Variants in SNX8 observed in about 807,000 individuals in gnomAD.
The protein encoded by SNX8 is sorting nexin 8, also known as sorting nexin-8.
A neutral mutation model predicts 51.6 loss-of-function variants in SNX8; 25 were observed. The ratio of observed to expected loss-of-function variants is 0.48; its 90% CI spans 0.35 to 0.68. The LOEUF (loss-of-function observed/expected upper bound fraction) is 0.68, where lower values mean the gene tolerates loss of function less well. Among genes scored for constraint, SNX8 ranks in the 30% least tolerant of loss-of-function variants. SNX8 has a pLI of 0.00. For synonymous variants in SNX8, 324 were observed against 277.0 expected (o/e 1.17, Z -1.68); for missense variants, 695 against 624.0 (o/e 1.11, Z -1.21).
At chr7:2,257,306 C>T (rs1388578134) in intron 9 of SNX8, 59 bp downstream of exon 9, 3 of 1,558,784 alleles carry the variant, frequency 1.9e-6, no homozygotes, top group African/African-American at 2.7e-5. Flanking sequence ...GCTCCGGGTC[C>T]CACCATGGCC....
intron 1 of SNX8, among the ~76,000 whole-genome samples, chr7:2,335,528 C>T (rs918819854): frequency 6.6e-6 from 1 of 152,066 alleles, no homozygotes; most frequent in African/African-American, 2.4e-5. Flanking sequence ...AGTAGCCAGG[C>T]GCGGTGGCTC....
Position 2,252,515 on chromosome 7 carries a change from A to G in SNX8, c.*2541T>C. 6.6e-6 allele frequency: 1 copy of G among 152,284 alleles called. No homozygotes were observed. The allele number at this position is 152,284 out of a possible 1,614,324, so 9.4% of individuals were successfully genotyped here. ...GGGTGGCAGAGGAGGAAGGGGAGGGAGGTGTTCCAAAGCCAGTGCCCACCC... is the reference window on the plus strand; with the variant it reads ...GGGTGGCAGAGGAGGAAGGGGAGGGGGGTGTTCCAAAGCCAGTGCCCACCC... On this transcript the variant is annotated 3_prime_UTR_variant, in exon 11 of 11. Coordinates refer to ENST00000222990, the MANE Select transcript of SNX8 (RefSeq NM_013321.4).
Position 2,257,849 on chromosome 7 carries a change from C to T in SNX8, c.916-46G>A, listed in dbSNP as rs1280588942. 1.9e-6 allele frequency: 3 copies of T among 1,572,412 alleles called. No individual in the cohort carries two copies. In the African/African-American group the frequency reaches 4.1e-5, roughly 21 times the overall value. ...CACCCACGCGGACGCACATAGGACC[C>T]GGTCCCTGCCCGGGAACTCAGACCC... On this transcript the variant is annotated intron_variant, in intron 7 of 10. Transcript: ENST00000222990.
intron 1 of SNX8, among the ~76,000 whole-genome samples, chr7:2,350,927 G>A (rs1254814327): frequency 6.6e-6 from 1 of 152,154 alleles, no homozygotes; most frequent in African/African-American, 2.4e-5. Flanking sequence ...GATTACCGGT[G>A]GGAGCCACTG....
chr7:2,257,710 C>G (rs1347871226), intron 8 of SNX8, 25 bp downstream of exon 8: 13 of 1,610,650 alleles, frequency 8.1e-6, no homozygotes, highest in Non-Finnish European at 1.1e-5. Flanking sequence ...GTTCTGCCCC[C>G]AGCCAAGGAG....
intron 4 of SNX8, among the ~76,000 whole-genome samples, chr7:2,270,918 C>T (rs915827516): frequency 6.6e-6 from 1 of 152,156 alleles, no homozygotes; most frequent in African/African-American, 2.4e-5. Flanking sequence ...TCCAGTGGAG[C>T]CCCCGCCCCT....
At position 2,344,899 on chromosome 7, in the gene SNX8, C is replaced by G. The variant is rs936660968; in HGVS notation, c.-66+9323G>C. On this transcript the variant is annotated intron_variant, in intron 1 of 5. Coordinates refer to the SNX8 transcript ENST00000435336. The stretch of plus-strand genomic sequence containing the variant: ...TAGATCCTTTTAATAATTTCATTTT[C>G]TGCTTGAATCAGACATCTACTTACA... 3.3e-5 allele frequency among the ~76,000 whole-genome samples: 5 copies of G among 152,194 alleles called. No homozygotes were observed. The East Asian group carries it at 9.6e-4, about 29-fold the overall frequency.
intron 3 of SNX8, among the ~76,000 whole-genome samples, chr7:2,274,487 G>A (rs937415558): frequency 6.6e-6 from 1 of 152,216 alleles, no homozygotes; most frequent in Non-Finnish European, 1.5e-5. Context: ...GCTGGCAGCC[G>A]CCATCCCAAG....
At chr7:2,337,253 G>C (rs565164030) in intron 1 of SNX8, 1 of 152,172 alleles carries the variant, frequency 6.6e-6, no homozygotes, top group Non-Finnish European at 1.5e-5. Context: ...TCAGGAGTTC[G>C]AGACCAGCCC....
intron 1 of SNX8, among the ~76,000 whole-genome samples, chr7:2,305,846 C>T (rs192687678): frequency 2.0e-5 from 3 of 151,882 alleles, no homozygotes; most frequent in Admixed American, 6.6e-5. Flanking sequence ...TTTGGGAGGC[C>T]GAAGCAGGAG....
intron 1 of SNX8, among the ~76,000 whole-genome samples, chr7:2,302,980 GC>G (rs1465259266): frequency 2.0e-5 from 3 of 151,796 alleles, no homozygotes; most frequent in Admixed American, 2.0e-4. Flanking sequence ...GAGCGTCTCC[GC>G]CCGGCAGCCA....
At chr7:2,297,127 C>T (rs984865059) in intron 1 of SNX8, among the ~76,000 whole-genome samples, 3 of 151,776 alleles carry the variant, frequency 2.0e-5, no homozygotes, top group Admixed American at 1.3e-4. Context: ...TACACGCTAC[C>T]GATGGGAATG....
chr7:2,344,884 T>C (rs1390818341), intron 1 of SNX8, among the ~76,000 whole-genome samples: 2 of 152,156 alleles, frequency 1.3e-5, no homozygotes, highest in African/African-American at 2.4e-5. Context: ...TAGATCCTTT[T>C]AATAATTTCA....
At chr7:2,314,537 ACGCCCACAGTC>A (rs1796724032), upstream of SNX8, 1 of 987,812 alleles carries the variant, frequency 1.0e-6, no homozygotes, top group Non-Finnish European at 1.2e-6. Flanking sequence ...CCCGCGCGCC[ACGCCCACAGTC>A]CGCCCCTGCG....
chr7:2,293,269 T>A (rs1796194413), intron 1 of SNX8, among the ~76,000 whole-genome samples: 1 of 148,984 alleles, frequency 6.7e-6, no homozygotes, highest in African/African-American at 2.5e-5. Flanking sequence ...CGTGAGCCAC[T>A]GAAACAAGCC....
chr7:2,309,739 A>T (rs1796623669), intron 1 of SNX8: 5 of 458,374 alleles, frequency 1.1e-5, no homozygotes, highest in Admixed American at 7.6e-5. Flanking sequence ...CTCAAAAAAA[A>T]AAAAGTATAA....
At chr7:2,330,533 C>T (rs1194506284) in intron 1 of SNX8, among the ~76,000 whole-genome samples, 1 of 152,062 alleles carries the variant, frequency 6.6e-6, no homozygotes, top group Non-Finnish European at 1.5e-5. Context: ...AAAAGACGGT[C>T]CTGGGAACCT....
At chr7:2,272,074 C>T in intron 3 of SNX8, 103 bp from the exon 4 acceptor site, 3 of 1,493,416 alleles carry the variant, frequency 2.0e-6, no homozygotes, top group East Asian at 2.3e-5. Context: ...GCAGAGGGCC[C>T]AGCGGCTAGC....
At chr7:2,315,810 CCACT>C (rs370095566), upstream of SNX8, among the ~76,000 whole-genome samples, 1,202 of 146,104 alleles carry the variant, frequency 8.2e-3, 16 homozygotes, top group African/African-American at 0.027. Context: ...ATTCATTCAC[CCACT>C]CACTCACTTA....
Sources: gnomAD v4.1 joint callset for allele counts (sites outside exome capture counted in the v4.1 genomes callset) on GRCh38, gnomAD v4.1.1 for gene constraint, MANE v1.5 for transcripts, NCBI Gene and HGNC (gene_info 2026-07-23, HGNC 2026-07-21) for gene names.